FGF14: variants seen among roughly 807,000 people sequenced by gnomAD.
The protein encoded by FGF14 is fibroblast growth factor homologous factor 4.
Under a neutral mutation model 25.5 loss-of-function variants are expected in FGF14, and 5 were observed. That is an observed-to-expected ratio of 0.20 (90% CI 0.10 to 0.41). FGF14 has a LOEUF of 0.41. Among genes scored for constraint, FGF14 ranks in the 10% least tolerant of loss-of-function variants. The pLI, the probability that FGF14 is intolerant of heterozygous loss-of-function variation, is 1.00. For missense variants in FGF14, 222 were observed against 320.1 expected (o/e 0.69, Z 2.34); for synonymous variants, 138 against 118.3 (o/e 1.17, Z -1.08).
chr13:102,164,369 G>A (rs1023428499), intron 1 of FGF14, among the ~76,000 whole-genome samples: 2 of 152,130 alleles, frequency 1.3e-5, no homozygotes, highest in Non-Finnish European at 2.9e-5. Flanking sequence ...TAGACACTGT[G>A]TTTACTGATG....
At chr13:101,959,948 C>T (rs149499703) in intron 1 of FGF14, among the ~76,000 whole-genome samples, 1 of 152,140 alleles carries the variant, frequency 6.6e-6, no homozygotes, top group Admixed American at 6.5e-5. Flanking sequence ...AAGTTGAAAA[C>T]TTTGAGAGGT....
At chr13:101,903,662 C>T (rs967091338) in intron 1 of FGF14, among the ~76,000 whole-genome samples, 16 of 152,166 alleles carry the variant, frequency 1.1e-4, no homozygotes, top group African/African-American at 3.9e-4. Context: ...CACAAATATA[C>T]AGAATCTATA....
intron 1 of FGF14, among the ~76,000 whole-genome samples, chr13:101,996,949 T>G (rs2039217977): frequency 6.6e-6 from 1 of 152,208 alleles, no homozygotes; most frequent in Non-Finnish European, 1.5e-5. Flanking sequence ...TATTCCTGCC[T>G]CAAGGCAGTT....
intron 1 of FGF14, among the ~76,000 whole-genome samples, chr13:101,966,205 C>A (rs997073942): frequency 6.6e-6 from 1 of 152,136 alleles, no homozygotes; most frequent in Non-Finnish European, 1.5e-5. Flanking sequence ...TCAGGGTGGG[C>A]TCTATTGCCA....
At chr13:102,315,948 A>C (rs1257625925) in intron 1 of FGF14, among the ~76,000 whole-genome samples, 1 of 152,216 alleles carries the variant, frequency 6.6e-6, no homozygotes, top group Non-Finnish European at 1.5e-5. Context: ...CACTGCAAAA[A>C]AGCAGAAACT....
intron 1 of FGF14, among the ~76,000 whole-genome samples, chr13:102,335,959 C>T (rs891932002): frequency 2.0e-5 from 3 of 152,128 alleles, no homozygotes; most frequent in Non-Finnish European, 4.4e-5. Context: ...GTGATAGGTT[C>T]TGACTGCTCC....
chr13:101,756,391 G>T (rs887321719), intron 3 of FGF14, among the ~76,000 whole-genome samples: 1 of 151,858 alleles, frequency 6.6e-6, no homozygotes, highest in Non-Finnish European at 1.5e-5. Context: ...GAGTTTAGTT[G>T]TTTTTTTTAT....
At chr13:102,241,278 G>A (rs2051585530) in intron 1 of FGF14, among the ~76,000 whole-genome samples, 1 of 152,044 alleles carries the variant, frequency 6.6e-6, no homozygotes, top group South Asian at 2.1e-4. Flanking sequence ...TTACATGCAT[G>A]TATGAGAAAA....
chr13:101,727,952 A>G (rs1422650237), intron 3 of FGF14, among the ~76,000 whole-genome samples: 2 of 152,170 alleles, frequency 1.3e-5, no homozygotes, highest in Non-Finnish European at 2.9e-5. Context: ...ATTATTGCAG[A>G]AAATAATAAT....
chr13:102,068,032 T>C (rs1595163051), intron 1 of FGF14, among the ~76,000 whole-genome samples: 2 of 152,006 alleles, frequency 1.3e-5, no homozygotes, highest in African/African-American at 2.4e-5. Flanking sequence ...AGGAAAAAAA[T>C]GTTACCCTAG....
intron 1 of FGF14, among the ~76,000 whole-genome samples, chr13:101,989,377 G>A (rs1763017227): frequency 6.6e-6 from 1 of 151,876 alleles, no homozygotes; most frequent in African/African-American, 2.4e-5. Context: ...TGAGTTTTTA[G>A]TTTTATGAAA....
At chr13:102,089,334 C>T (rs1158333239) in intron 1 of FGF14, among the ~76,000 whole-genome samples, 1 of 152,120 alleles carries the variant, frequency 6.6e-6, no homozygotes, top group African/African-American at 2.4e-5. Context: ...AGGGCACTGG[C>T]AGGTATTCAA....
intron 3 of FGF14, among the ~76,000 whole-genome samples, chr13:101,727,816 A>G (rs1220641844): frequency 6.6e-6 from 1 of 152,098 alleles, no homozygotes; most frequent in Non-Finnish European, 1.5e-5. Flanking sequence ...TAGGTCCAAC[A>G]CTGTGCTATT....
At chr13:101,922,838 T>A (rs925136344) in intron 1 of FGF14, among the ~76,000 whole-genome samples, 2 of 146,196 alleles carry the variant, frequency 1.4e-5, no homozygotes, top group African/African-American at 5.5e-5. Flanking sequence ...CTGGATTTTG[T>A]TTTTTATTTA....
intron 1 of FGF14, among the ~76,000 whole-genome samples, chr13:102,078,585 T>A (rs953673915): frequency 1.3e-5 from 2 of 152,098 alleles, no homozygotes; most frequent in Non-Finnish European, 2.9e-5. Context: ...ATGAAGCAGG[T>A]ATCAGGGGAG....
At chr13:102,342,789 C>A (rs2056990945) in intron 1 of FGF14, among the ~76,000 whole-genome samples, 2 of 151,972 alleles carry the variant, frequency 1.3e-5, no homozygotes, top group Non-Finnish European at 2.9e-5. Context: ...CAGTGGAGGG[C>A]AAAATGGGTC....
chr13:102,294,445 T>A (rs1224774198), intron 1 of FGF14, among the ~76,000 whole-genome samples: 1 of 151,894 alleles, frequency 6.6e-6, no homozygotes, highest in Non-Finnish European at 1.5e-5. Context: ...TCCTGAATGA[T>A]TAGGAAAACT....
At chr13:102,216,295 T>C (rs1304867005) in intron 1 of FGF14, among the ~76,000 whole-genome samples, 1 of 152,108 alleles carries the variant, frequency 6.6e-6, no homozygotes, top group African/African-American at 2.4e-5. Context: ...GGCTTCACCA[T>C]CTACTAGCCA....
At chr13:102,252,061 GCTAAT>G (rs1241392518) in intron 1 of FGF14, among the ~76,000 whole-genome samples, 2 of 152,152 alleles carry the variant, frequency 1.3e-5, no homozygotes, top group South Asian at 2.1e-4. Context: ...TATCGATGCG[GCTAAT>G]CTAATCTATC....
Sources: gnomAD v4.1 joint callset for allele counts (sites outside exome capture counted in the v4.1 genomes callset) on GRCh38, gnomAD v4.1.1 for gene constraint, MANE v1.5 for transcripts, NCBI Gene and HGNC (gene_info 2026-07-23, HGNC 2026-07-21) for gene names.